Variants in ASIC2 observed in about 807,000 individuals in gnomAD.
ASIC2 encodes acid-sensing ion channel 2.
In ASIC2, 25 loss-of-function variants were observed where a neutral mutation model predicts 57.3. That is an observed-to-expected ratio of 0.44 (90% confidence interval 0.32 to 0.61). The LOEUF is 0.61. Among genes scored for constraint, ASIC2 ranks in the 20% least tolerant of loss-of-function variants. The pLI, the probability that ASIC2 is intolerant of heterozygous loss-of-function variation, is 0.06. For synonymous variants in ASIC2, 319 were observed against 307.5 expected, an observed-to-expected ratio of 1.04 and a Z score of -0.39; for missense variants, 641 against 738.1, an observed-to-expected ratio of 0.87 and a Z score of 1.52.
intron 1 of ASIC2, among the ~76,000 whole-genome samples, chr17:33,312,797 A>G (rs1906485895): frequency 6.6e-6 from 1 of 152,146 alleles, no homozygotes; most frequent in African/African-American, 2.4e-5. Context: ...TTAGCCAGGC[A>G]TGGTGGCGCA....
intron 2 of ASIC2, among the ~76,000 whole-genome samples, chr17:33,107,338 A>G (rs1043397622): frequency 3.3e-5 from 5 of 152,220 alleles, no homozygotes; most frequent in Admixed American, 3.3e-4. Flanking sequence ...GGCTATTCCT[A>G]TCTTGGAGAT....
intron 1 of ASIC2, among the ~76,000 whole-genome samples, chr17:33,909,729 T>C (rs574051040): frequency 6.6e-6 from 1 of 152,348 alleles, no homozygotes; most frequent in South Asian, 2.1e-4. Context: ...AATAAGAGAA[T>C]GTTGAAATGA....
chr17:33,352,893 G>A (rs1908240001), intron 1 of ASIC2, among the ~76,000 whole-genome samples: 1 of 151,954 alleles, frequency 6.6e-6, no homozygotes, highest in Non-Finnish European at 1.5e-5. Context: ...ATGGTCTGTT[G>A]GGTGAACCCT....
intron 6 of ASIC2, among the ~76,000 whole-genome samples, 153 bp from the exon 7 acceptor site, chr17:33,021,463 C>T (rs756200007): frequency 2.0e-5 from 3 of 152,208 alleles, no homozygotes; most frequent in Admixed American, 6.5e-5. Context: ...GGCAGAGCTG[C>T]GGCTTCAAGC....
At chr17:33,767,210 G>A (rs1351317436) in intron 1 of ASIC2, among the ~76,000 whole-genome samples, 1 of 152,142 alleles carries the variant, frequency 6.6e-6, no homozygotes, top group East Asian at 1.9e-4. Context: ...ACCCACCTTG[G>A]ACCCCAGTGA....
chr17:34,024,710 G>C (rs1417283995), intron 1 of ASIC2, among the ~76,000 whole-genome samples: 1 of 152,186 alleles, frequency 6.6e-6, no homozygotes, highest in Admixed American at 6.5e-5. Context: ...GTGGGGAGGG[G>C]TGCAGGGCAG....
intron 1 of ASIC2, among the ~76,000 whole-genome samples, chr17:33,522,718 T>C (rs1203522532): frequency 1.3e-5 from 2 of 152,214 alleles, no homozygotes; most frequent in Non-Finnish European, 2.9e-5. Flanking sequence ...ATTATAACTT[T>C]GAAAATCCAA....
chr17:33,684,372 A>C (rs1166115449), intron 1 of ASIC2, among the ~76,000 whole-genome samples: 1 of 152,074 alleles, frequency 6.6e-6, no homozygotes, highest in African/African-American at 2.4e-5. Flanking sequence ...TGACTACCCA[A>C]GTGCAGAAGA....
intron 1 of ASIC2, among the ~76,000 whole-genome samples, chr17:34,020,691 T>A (rs767751689): frequency 1.4e-4 from 22 of 152,082 alleles, no homozygotes; most frequent in Non-Finnish European, 2.8e-4. Flanking sequence ...GGACCTCAGT[T>A]CTACAACTGC....
intron 1 of ASIC2, among the ~76,000 whole-genome samples, chr17:33,999,314 T>C (rs1906261858): frequency 6.6e-6 from 1 of 152,200 alleles, no homozygotes; most frequent in African/African-American, 2.4e-5. Flanking sequence ...AAAATCCATT[T>C]AGTCACTGTA....
chr17:34,121,505 G>C (rs992164604), intron 1 of ASIC2, among the ~76,000 whole-genome samples: 2 of 152,124 alleles, frequency 1.3e-5, no homozygotes, highest in Non-Finnish European at 2.9e-5. Context: ...TGGAGCATTA[G>C]AAAGGCCTTC....
At chr17:34,042,610 G>C (rs960573149) in intron 1 of ASIC2, among the ~76,000 whole-genome samples, 1 of 151,988 alleles carries the variant, frequency 6.6e-6, no homozygotes, top group Admixed American at 6.6e-5. Flanking sequence ...AACATTGATG[G>C]GGACTATGAA....
At chr17:33,449,247 A>T (rs1187777779) in intron 1 of ASIC2, among the ~76,000 whole-genome samples, 1 of 152,120 alleles carries the variant, frequency 6.6e-6, no homozygotes, top group Non-Finnish European at 1.5e-5. Context: ...GCTTGGTCTC[A>T]TCATTATCTC....
At chr17:33,296,148 CT>C (rs1279251302), upstream of ASIC2, among the ~76,000 whole-genome samples, 1 of 152,122 alleles carries the variant, frequency 6.6e-6, no homozygotes, top group East Asian at 1.9e-4. Flanking sequence ...CTAGGGCCTC[CT>C]GTAAGTGTTT....
rs1224484419 is a variant in ASIC2 at position 33,782,377 on chromosome 17, A to G, written c.555+373601T>C. ...AAGTTCCTTTTTTTTTTTTTTGCCC[A>G]TTGCTCAATTTCCATTTGTTAAAAA... On this transcript the variant is annotated intron_variant, in intron 1 of 9. Coordinates refer to the ASIC2 transcript ENST00000359872. 4.2e-5 allele frequency among the ~76,000 whole-genome samples: 6 copies of G among 141,904 alleles called. No homozygotes were observed. In the East Asian group the frequency reaches 1.0e-3, roughly 24 times the overall value. The allele number at this position is 141,904 out of a possible 152,430, so 93.1% of individuals were successfully genotyped here. A position where few individuals can be genotyped will look rare whatever the true frequency, so the allele number is the denominator to read the frequency against.
intron 1 of ASIC2, among the ~76,000 whole-genome samples, chr17:34,056,570 CT>C (rs1167784853): frequency 6.6e-6 from 1 of 152,024 alleles, no homozygotes; most frequent in Non-Finnish European, 1.5e-5. Flanking sequence ...TTTTCTATGC[CT>C]GAGAAAATAG....
At chr17:33,494,781 T>C (rs1913875108) in intron 1 of ASIC2, among the ~76,000 whole-genome samples, 1 of 152,124 alleles carries the variant, frequency 6.6e-6, no homozygotes. Flanking sequence ...TTGATGAAAC[T>C]TTTTCTCTCC....
At chr17:33,235,611 G>A (rs1309485382) in intron 1 of ASIC2, among the ~76,000 whole-genome samples, 1 of 152,212 alleles carries the variant, frequency 6.6e-6, no homozygotes. Context: ...GGGCTTCTCA[G>A]TGAGTGTTCA....
Position 33,736,483 on chromosome 17 carries a change from C to T in ASIC2, c.555+419495G>A, listed in dbSNP as rs577100378. Among the ~76,000 whole-genome samples the T allele has an allele frequency of 1.6e-3, 248 of 152,270 alleles. 2 individuals carry two copies. Among genetic ancestry groups the T allele is most frequent in the African/African-American group, 5.6e-3 (233 of 41,542 alleles). ...GACAGCCCCCTGCCTCAGTGTCTCC[C>T]GCCAGCCTATGGAGACCGTGAAGAT... On this transcript the variant is annotated intron_variant, in intron 1 of 9. Coordinates refer to the ASIC2 transcript ENST00000359872.
Sources: gnomAD v4.1 joint callset for allele counts (sites outside exome capture counted in the v4.1 genomes callset) on GRCh38, gnomAD v4.1.1 for gene constraint, MANE v1.5 for transcripts, NCBI Gene and HGNC (gene_info 2026-07-23, HGNC 2026-07-21) for gene names.